The following ROBO1 variants were observed in gnomAD, a reference collection of about 807,000 sequenced individuals.
ROBO1 encodes the protein roundabout guidance receptor 1.
In ROBO1, 149 loss-of-function variants were observed where a neutral mutation model predicts 195.9. The ratio of observed to expected loss-of-function variants is 0.76; its 90% CI spans 0.67 to 0.87. ROBO1 has a LOEUF of 0.87. ROBO1 is among the 40% of genes least tolerant of loss of function. The pLI is 0.00. For synonymous variants in ROBO1, 816 were observed against 733.2 expected (o/e 1.11, Z -1.82); for missense variants, 1,933 against 2,068.3 (o/e 0.93, Z 1.27).
At chr3:79,515,002 A>G (rs1413257232) in intron 2 of ROBO1, among the ~76,000 whole-genome samples, 1 of 149,524 alleles carries the variant, frequency 6.7e-6, no homozygotes, top group Non-Finnish European at 1.5e-5. Flanking sequence ...ATGATTGGAC[A>G]CAATTATACT....
At chr3:79,515,019 T>A (rs1940882084) in intron 2 of ROBO1, among the ~76,000 whole-genome samples, 1 of 152,106 alleles carries the variant, frequency 6.6e-6, no homozygotes, top group Non-Finnish European at 1.5e-5. Context: ...TACTATTTTT[T>A]TTTCTTGAGT....
intron 3 of ROBO1, among the ~76,000 whole-genome samples, chr3:79,100,324 T>C (rs1196797698): frequency 6.6e-6 from 1 of 151,856 alleles, no homozygotes; most frequent in African/African-American, 2.4e-5. Flanking sequence ...AGAAGTAGTG[T>C]TTCCAATGTC....
chr3:78,755,060 AT>A (rs2082893870), intron 4 of ROBO1, among the ~76,000 whole-genome samples: 1 of 152,198 alleles, frequency 6.6e-6, no homozygotes, highest in African/African-American at 2.4e-5. Flanking sequence ...GTAAGCTTTT[AT>A]TTTAATTCCA....
intron 2 of ROBO1, among the ~76,000 whole-genome samples, chr3:79,475,955 T>C (rs186975218): frequency 3.3e-5 from 5 of 152,190 alleles, no homozygotes; most frequent in African/African-American, 4.8e-5. Flanking sequence ...TTTTGGAATG[T>C]TATTATTAAT....
intron 3 of ROBO1, among the ~76,000 whole-genome samples, chr3:79,006,757 GA>G (rs11345487): frequency 0.79 from 91,194 of 115,156 alleles, 35,781 homozygotes; most frequent in East Asian, 0.95. Context: ...CAAAATATCG[GA>G]AAAAAAAAAA....
At chr3:79,006,213 G>A (rs2077616685) in intron 3 of ROBO1, among the ~76,000 whole-genome samples, 1 of 152,114 alleles carries the variant, frequency 6.6e-6, no homozygotes, top group South Asian at 2.1e-4. Flanking sequence ...CAGTAAAACT[G>A]ATCACTTTGC....
chr3:78,697,878 A>T (rs1021100836), intron 8 of ROBO1, among the ~76,000 whole-genome samples: 5 of 152,196 alleles, frequency 3.3e-5, no homozygotes, highest in African/African-American at 1.2e-4. Flanking sequence ...AAGCGAATGC[A>T]TCTACAATAG....
intron 3 of ROBO1, 137 bp from the exon 4 acceptor site, chr3:78,939,064 A>G (rs929583140): frequency 2.7e-6 from 2 of 735,238 alleles, no homozygotes; most frequent in African/African-American, 1.8e-5. Flanking sequence ...TTTACTAACA[A>G]TCTTTCTGGT....
At chr3:79,337,179 G>A (rs541179221) in intron 2 of ROBO1, among the ~76,000 whole-genome samples, 4 of 152,250 alleles carry the variant, frequency 2.6e-5, no homozygotes, top group Non-Finnish European at 5.9e-5. Context: ...AGTTAATGCT[G>A]AAATAAGACT....
intron 2 of ROBO1, among the ~76,000 whole-genome samples, chr3:79,273,494 A>G (rs1307555510): frequency 2.6e-5 from 4 of 152,056 alleles, no homozygotes; most frequent in African/African-American, 9.7e-5. Flanking sequence ...GGTAACCTCA[A>G]ATCAAAAATC....
intron 8 of ROBO1, among the ~76,000 whole-genome samples, chr3:78,691,275 A>AT (rs1169913612): frequency 2.6e-5 from 4 of 151,846 alleles, no homozygotes; most frequent in South Asian, 2.1e-4. Context: ...GAAATTTTGG[A>AT]TTTTTTTTGA....
intron 1 of ROBO1, among the ~76,000 whole-genome samples, chr3:79,764,677 G>A (rs1704890606): frequency 6.6e-6 from 1 of 152,144 alleles, no homozygotes; most frequent in Admixed American, 6.6e-5. Flanking sequence ...TATAGATGAA[G>A]GCCAAAAAGT....
chr3:79,402,659 T>C (rs943148352), intron 2 of ROBO1, among the ~76,000 whole-genome samples: 23 of 151,940 alleles, frequency 1.5e-4, no homozygotes, highest in African/African-American at 5.3e-4. Flanking sequence ...CCCAGAGAGA[T>C]CATGCCAGTT....
chr3:79,573,117 A>G (rs1449541667), intron 2 of ROBO1, among the ~76,000 whole-genome samples: 2 of 152,088 alleles, frequency 1.3e-5, no homozygotes, highest in African/African-American at 4.8e-5. Flanking sequence ...CGGCGAGATC[A>G]TGGCTCACTG....
intron 2 of ROBO1, among the ~76,000 whole-genome samples, chr3:79,280,750 G>A (rs536291699): frequency 6.6e-6 from 1 of 152,234 alleles, no homozygotes; most frequent in Admixed American, 6.5e-5. Flanking sequence ...TCAAGCATTC[G>A]ATTGACCTCA....
At chr3:79,492,425 C>A (rs1373235844) in intron 2 of ROBO1, among the ~76,000 whole-genome samples, 192 of 85,510 alleles carry the variant, frequency 2.2e-3, no homozygotes, top group African/African-American at 2.5e-3. Flanking sequence ...GACTCTGTTT[C>A]AGAAAAAAAA....
At chr3:78,948,883 C>T (rs1480813793) in intron 3 of ROBO1, among the ~76,000 whole-genome samples, 1 of 151,952 alleles carries the variant, frequency 6.6e-6, no homozygotes, top group Admixed American at 6.6e-5. Flanking sequence ...AAACAGAGAG[C>T]CAAATCATGA....
intron 2 of ROBO1, among the ~76,000 whole-genome samples, chr3:79,555,114 G>A (rs930535480): frequency 6.6e-6 from 1 of 152,076 alleles, no homozygotes; most frequent in Non-Finnish European, 1.5e-5. Flanking sequence ...ATGGTTTCAT[G>A]AGGAGTTTGA....
chr3:79,169,275 A>G (rs1449354530), intron 2 of ROBO1, among the ~76,000 whole-genome samples: 1 of 152,176 alleles, frequency 6.6e-6, no homozygotes, highest in African/African-American at 2.4e-5. Context: ...ATATTCCTCC[A>G]AACAGTTAAT....
Sources: gnomAD v4.1 joint callset for allele counts (sites outside exome capture counted in the v4.1 genomes callset) on GRCh38, gnomAD v4.1.1 for gene constraint, MANE v1.5 for transcripts, NCBI Gene and HGNC (gene_info 2026-07-23, HGNC 2026-07-21) for gene names.